TSHZ2: variants seen among roughly 807,000 people sequenced by gnomAD.
TSHZ2 encodes the protein teashirt zinc finger homeobox 2, also known as teashirt homolog 2.
TSHZ2 carries 21 observed loss-of-function variants against 74.4 expected under a neutral mutation model. That is an observed-to-expected ratio of 0.28 (90% CI 0.20 to 0.41). The LOEUF is 0.41. Ranked by LOEUF, TSHZ2 falls within the 10% of genes least tolerant of loss-of-function variation. The pLI is 1.00. For synonymous variants in TSHZ2, 540 were observed against 515.3 expected (o/e 1.05, Z -0.65); for missense variants, 1,244 against 1,293.5 (o/e 0.96, Z 0.59).
intron 1 of TSHZ2, among the ~76,000 whole-genome samples, chr20:53,246,100 C>T (rs1047434519): frequency 6.8e-6 from 1 of 147,574 alleles, no homozygotes; most frequent in Non-Finnish European, 1.5e-5. Flanking sequence ...AATGCAGTGG[C>T]GTGATCTCAG....
intron 1 of TSHZ2, among the ~76,000 whole-genome samples, chr20:53,252,970 C>T (rs1183532819): frequency 6.6e-6 from 1 of 152,038 alleles, no homozygotes; most frequent in Non-Finnish European, 1.5e-5. Flanking sequence ...CAGGGGCTAT[C>T]AAAAAATATA....
intron 2 of TSHZ2, among the ~76,000 whole-genome samples, chr20:53,484,504 G>A (rs1020028776): frequency 6.6e-6 from 1 of 151,122 alleles, no homozygotes; most frequent in Non-Finnish European, 1.5e-5. Flanking sequence ...TCATGCCTCA[G>A]CCTCCTGAGT....
intron 2 of TSHZ2, among the ~76,000 whole-genome samples, chr20:53,348,471 A>G (rs1980524113): frequency 6.6e-6 from 1 of 152,140 alleles, no homozygotes; most frequent in African/African-American, 2.4e-5. Context: ...GTCAAGAACC[A>G]TGGATAACTA....
chr20:53,095,015 A>G lies in TSHZ2; in HGVS notation c.40+121682A>G, dbSNP rs1242782322. Among the ~76,000 whole-genome samples the G allele has an allele frequency of 2.6e-5, 4 of 152,238 alleles. No individual in the cohort carries two copies. In the East Asian group the frequency reaches 5.8e-4, roughly 22 times the overall value. ...TATGACCTCAAAGTGAAAGGTGTAT[A>G]AGGTAAGCCTCTTCCAATTACAGCA... On this transcript the variant is annotated intron_variant, in intron 1 of 2. Coordinates refer to ENST00000371497, the MANE Select transcript of TSHZ2 (RefSeq NM_173485.6).
chr20:53,087,752 A>G (rs1985742910), intron 1 of TSHZ2, among the ~76,000 whole-genome samples: 1 of 152,220 alleles, frequency 6.6e-6, no homozygotes, highest in Non-Finnish European at 1.5e-5. Context: ...GGCCATTGGC[A>G]GGGACTTAAA....
intron 2 of TSHZ2, among the ~76,000 whole-genome samples, chr20:53,294,318 T>A (rs748020949): frequency 1.3e-5 from 2 of 152,178 alleles, no homozygotes; most frequent in Non-Finnish European, 2.9e-5. Context: ...ATTTACTAGT[T>A]GAGATTCCAT....
chr20:52,977,483 A>G (rs1600625861), intron 1 of TSHZ2, among the ~76,000 whole-genome samples: 1 of 151,332 alleles, frequency 6.6e-6, no homozygotes, highest in South Asian at 2.1e-4. Context: ...TGGACACAAT[A>G]AAGTCCAAAG....
intron 2 of TSHZ2, among the ~76,000 whole-genome samples, chr20:53,340,429 C>T (rs1841501476): frequency 6.6e-6 from 1 of 152,110 alleles, no homozygotes; most frequent in Non-Finnish European, 1.5e-5. Flanking sequence ...CGTGATCCGC[C>T]TGCCTTGGCC....
At position 53,340,184 on chromosome 20, in the gene TSHZ2, C is replaced by CTTTTTTTTTTTTTTTTTTTTTTTTTTTT. The variant is rs557613827; in HGVS notation, c.*8+83629_*8+83630insTTTTTTTTTTTTTTTTTTTTTTTTTTTT. 3.6e-5 allele frequency among the ~76,000 whole-genome samples: 4 copies of CTTTTTTTTTTTTTTTTTTTTTTTTTTTT among 109,872 alleles called. 1 individual carries two copies. The highest frequency in any genetic ancestry group is 7.0e-5 in the African/African-American group (2 of 28,412). 72.1% of individuals were successfully genotyped at this position (109,872 alleles called of 152,430 possible). A position where few individuals can be genotyped will look rare whatever the true frequency, so the allele number is the denominator to read the frequency against. ...ACAAGGTGACTTTTCTTTCTTTTTT[C>CTTTTTTTTTTTTTTTTTTTTTTTTTTTT]TTTTTTTTTTTTTTTTGAGATGGAG... On this transcript the variant is annotated intron_variant, in intron 2 of 2. Coordinates refer to ENST00000371497, the MANE Select transcript of TSHZ2 (RefSeq NM_173485.6).
At chr20:53,258,174 G>T (rs1990522126) in intron 2 of TSHZ2, among the ~76,000 whole-genome samples, 1 of 152,170 alleles carries the variant, frequency 6.6e-6, no homozygotes, top group East Asian at 1.9e-4. Flanking sequence ...CATGATGATT[G>T]AATGTGTTAT....
chr20:53,045,535 C>T (rs1007050140), intron 1 of TSHZ2, among the ~76,000 whole-genome samples: 1 of 152,166 alleles, frequency 6.6e-6, no homozygotes, highest in African/African-American at 2.4e-5. Flanking sequence ...GAGACATTTC[C>T]CCCTCAGTTC....
intron 2 of TSHZ2, among the ~76,000 whole-genome samples, chr20:53,387,348 C>A (rs1982086321): frequency 1.3e-5 from 2 of 152,198 alleles, no homozygotes; most frequent in South Asian, 4.1e-4. Flanking sequence ...GCTTCAGGAT[C>A]ATCTTAAGAT....
chr20:53,288,652 C>T (rs1400020835), intron 2 of TSHZ2, among the ~76,000 whole-genome samples: 2 of 152,056 alleles, frequency 1.3e-5, no homozygotes, highest in Non-Finnish European at 2.9e-5. Flanking sequence ...TAGGACTGAA[C>T]AGAGACAATA....
At position 53,101,768 on chromosome 20, in the gene TSHZ2, G is replaced by A. The variant is rs78010147; in HGVS notation, c.40+128435G>A. ...CATCAATTTATTTTGGCAACATGAA[G>A]GTTCAAATAGTTTTCCTGTAGAGGT... is the stretch of plus-strand genomic sequence containing the variant. On this transcript the variant is annotated intron_variant, in intron 1 of 2. Transcript: ENST00000371497. 5.2e-3 allele frequency among the ~76,000 whole-genome samples: 791 copies of A among 152,248 alleles called. 9 individuals carry two copies. The highest frequency in any genetic ancestry group is 0.018 in the African/African-American group (749 of 41,530).
intron 2 of TSHZ2, among the ~76,000 whole-genome samples, chr20:53,377,543 C>A (rs6097381): frequency 1.3e-5 from 2 of 152,168 alleles, no homozygotes; most frequent in South Asian, 4.1e-4. Flanking sequence ...GATACACAAC[C>A]TGAGGTTTAT....
At chr20:53,388,539 G>C (rs369464201) in intron 2 of TSHZ2, among the ~76,000 whole-genome samples, 2 of 151,990 alleles carry the variant, frequency 1.3e-5, no homozygotes. Context: ...GAAAATGCCA[G>C]TTGAACATAC....
chr20:53,426,477 G>A (rs1983660785), intron 2 of TSHZ2, among the ~76,000 whole-genome samples: 1 of 151,890 alleles, frequency 6.6e-6, no homozygotes, highest in African/African-American at 2.4e-5. Flanking sequence ...TTAAGTTACG[G>A]TGATCACAAT....
At chr20:53,047,902 G>C (rs1984284314) in intron 1 of TSHZ2, among the ~76,000 whole-genome samples, 1 of 152,138 alleles carries the variant, frequency 6.6e-6, no homozygotes, top group African/African-American at 2.4e-5. Context: ...CGCTGACTCT[G>C]AAAACAGCCC....
intron 1 of TSHZ2, among the ~76,000 whole-genome samples, chr20:52,979,247 G>A (rs1025550895): frequency 6.6e-6 from 1 of 151,978 alleles, no homozygotes; most frequent in South Asian, 2.1e-4. Context: ...TGAGAAGAAC[G>A]TTTAGAGATA....
Sources: gnomAD v4.1 joint callset for allele counts (sites outside exome capture counted in the v4.1 genomes callset) on GRCh38, gnomAD v4.1.1 for gene constraint, MANE v1.5 for transcripts, NCBI Gene and HGNC (gene_info 2026-07-23, HGNC 2026-07-21) for gene names.